Variants in VPS13B observed in about 807,000 individuals in gnomAD.
VPS13B encodes the protein vacuolar protein sorting 13 homolog B, also known as intermembrane lipid transfer protein VPS13B.
In VPS13B, 285 loss-of-function variants were observed where a neutral mutation model predicts 426.4. The ratio of observed to expected loss-of-function variants is 0.67; its 90% CI spans 0.61 to 0.74. The LOEUF is 0.74. Ranked by LOEUF, VPS13B falls within the 30% of genes least tolerant of loss-of-function variation. VPS13B has a pLI of 0.00. For synonymous variants in VPS13B, 1,676 were observed against 1,676.4 expected (o/e 1.00, Z 0.01); for missense variants, 4,537 against 4,782.6 (o/e 0.95, Z 1.51).
intron 16 of VPS13B, among the ~76,000 whole-genome samples, chr8:99,184,259 A>G (rs1390354291): frequency 6.6e-6 from 1 of 152,190 alleles, no homozygotes; most frequent in African/African-American, 2.4e-5. Context: ...GTTGGATTAT[A>G]TAGTAAATTT....
intron 19 of VPS13B, among the ~76,000 whole-genome samples, chr8:99,298,675 T>C (rs908970437): frequency 3.3e-5 from 5 of 152,226 alleles, no homozygotes; most frequent in Non-Finnish European, 7.3e-5. Flanking sequence ...AAATCATTTC[T>C]TTAGTTTCAT....
intron 39 of VPS13B, among the ~76,000 whole-genome samples, chr8:99,753,085 G>A (rs1312527574): frequency 6.6e-6 from 1 of 152,028 alleles, no homozygotes; most frequent in Admixed American, 6.6e-5. Flanking sequence ...CTGTAAAATG[G>A]ATATACTCTT....
chr8:99,474,128 C>T (rs568685463), intron 24 of VPS13B, among the ~76,000 whole-genome samples: 21 of 151,274 alleles, frequency 1.4e-4, no homozygotes, highest in Admixed American at 2.0e-4. Flanking sequence ...GCAGAAAGCC[C>T]GACATTTGGA....
intron 29 of VPS13B, among the ~76,000 whole-genome samples, chr8:99,513,323 T>G (rs992778806): frequency 2.6e-5 from 4 of 152,062 alleles, no homozygotes; most frequent in African/African-American, 9.7e-5. Flanking sequence ...TGTAAAATTA[T>G]TTTCAGTTTA....
intron 30 of VPS13B, among the ~76,000 whole-genome samples, chr8:99,552,743 T>A (rs1342174238): frequency 6.6e-6 from 1 of 152,126 alleles, no homozygotes; most frequent in Non-Finnish European, 1.5e-5. Context: ...AAGTCCTGTG[T>A]GCACTTTACC....
At chr8:99,559,359 C>G (rs1214541053) in intron 31 of VPS13B, among the ~76,000 whole-genome samples, 2 of 152,134 alleles carry the variant, frequency 1.3e-5, no homozygotes, top group Non-Finnish European at 2.9e-5. Context: ...TGTAGGTTGC[C>G]TCTTCACTCT....
At chr8:99,133,872 A>G (rs897632528) in intron 8 of VPS13B, among the ~76,000 whole-genome samples, 7 of 152,230 alleles carry the variant, frequency 4.6e-5, no homozygotes, top group African/African-American at 1.7e-4. Context: ...ATAATGAAAA[A>G]TTTTGAACTA....
chr8:99,639,070 C>A (rs1248898863), intron 33 of VPS13B, among the ~76,000 whole-genome samples: 1 of 152,132 alleles, frequency 6.6e-6, no homozygotes, highest in Non-Finnish European at 1.5e-5. Flanking sequence ...TTCATTCAGT[C>A]ATTGCAGTAA....
chr8:99,643,597 T>C (rs888382887), intron 34 of VPS13B, among the ~76,000 whole-genome samples: 1 of 152,164 alleles, frequency 6.6e-6, no homozygotes, highest in Non-Finnish European at 1.5e-5. Flanking sequence ...CCCAGGCTGC[T>C]TGCTGGCCCT....
At chr8:99,316,822 C>T (rs763268509) in intron 19 of VPS13B, among the ~76,000 whole-genome samples, 1 of 152,168 alleles carries the variant, frequency 6.6e-6, no homozygotes, top group African/African-American at 2.4e-5. Context: ...TGTGAAGCCC[C>T]TGTCTTGTGG....
chr8:99,815,497 T>C (rs1286065847), intron 44 of VPS13B, among the ~76,000 whole-genome samples: 1 of 152,118 alleles, frequency 6.6e-6, no homozygotes, highest in Admixed American at 6.5e-5. Context: ...GACAATCTGC[T>C]TTACTCAGTC....
chr8:99,467,698 A>C, intron 24 of VPS13B, 64 bp downstream of exon 24: 1 of 1,535,902 alleles, frequency 6.5e-7, no homozygotes, highest in Non-Finnish European at 9.0e-7. Flanking sequence ...ATTGTTATCC[A>C]TTTTGTTGAA....
intron 16 of VPS13B, 79 bp downstream of exon 16, chr8:99,170,242 T>C: frequency 6.6e-7 from 1 of 1,525,662 alleles, no homozygotes; most frequent in Admixed American, 1.8e-5. Context: ...TGTATCTGTC[T>C]TATGCCCATG....
intron 5 of VPS13B, among the ~76,000 whole-genome samples, chr8:99,104,410 TTA>T (rs938266758): frequency 4.9e-4 from 75 of 152,310 alleles, no homozygotes; most frequent in African/African-American, 1.7e-3. Flanking sequence ...TTTGAATTGT[TTA>T]TGTTTTTGAA....
chr8:99,036,406 A>G (rs1272073248), intron 2 of VPS13B, among the ~76,000 whole-genome samples: 3 of 152,228 alleles, frequency 2.0e-5, no homozygotes, highest in Non-Finnish European at 4.4e-5. Flanking sequence ...ATATTTCAAG[A>G]AGGGAAAAGA....
intron 17 of VPS13B, chr8:99,233,462 C>T: frequency 2.2e-6 from 3 of 1,352,254 alleles, no homozygotes; most frequent in South Asian, 2.3e-5. Context: ...GTACCCACAG[C>T]CTGGGTTGGG....
chr8:99,803,233 A>C (rs1305172372), intron 43 of VPS13B, among the ~76,000 whole-genome samples: 1 of 152,170 alleles, frequency 6.6e-6, no homozygotes, highest in Non-Finnish European at 1.5e-5. Context: ...TATTCCAACC[A>C]GCTTTTTATG....
At chr8:99,105,893 G>A (rs10098153) in intron 5 of VPS13B, among the ~76,000 whole-genome samples, 125,479 of 152,020 alleles carry the variant, frequency 0.83, 52,302 homozygotes, top group South Asian at 0.88. Flanking sequence ...TAACTTGCCA[G>A]TGTACTCTTC....
intron 3 of VPS13B, among the ~76,000 whole-genome samples, chr8:99,095,128 C>T (rs1739465504): frequency 6.6e-6 from 1 of 152,158 alleles, no homozygotes; most frequent in African/African-American, 2.4e-5. Context: ...TTACTGCTCC[C>T]ACTTCTCTCC....
Sources: gnomAD v4.1 joint callset for allele counts (sites outside exome capture counted in the v4.1 genomes callset) on GRCh38, gnomAD v4.1.1 for gene constraint, MANE v1.5 for transcripts, NCBI Gene and HGNC (gene_info 2026-07-23, HGNC 2026-07-21) for gene names.